SFRP4: variants seen among roughly 807,000 people sequenced by gnomAD.
The protein encoded by SFRP4 is secreted frizzled-related protein 4.
SFRP4 carries 25 observed loss-of-function variants against 36.3 expected under a neutral mutation model. The ratio of observed to expected loss-of-function variants is 0.69; its 90% CI spans 0.50 to 0.96. The LOEUF is 0.96. SFRP4 is among the 40% of genes least tolerant of loss of function. The pLI is 0.00. For synonymous variants in SFRP4, 182 were observed against 168.8 expected (o/e 1.08, Z -0.60); for missense variants, 487 against 459.6 (o/e 1.06, Z -0.54).
rs143563677 is a variant in SFRP4, at chr7:37,916,250, C to T, written c.288G>A (p.Pro96=). Reference sequence around the variant, plus strand: ...GCGCGCGTTGGCACACCGACTTGCACGGCTTGATAGGGTCGTGCAGGAACT... The same window carrying T: ...GCGCGCGTTGGCACACCGACTTGCATGGCTTGATAGGGTCGTGCAGGAACT... ...TLEFLHDPIK[P]CKSVCQRARD... The change falls in exon 1 of 6, where the codon CCG becomes CCA. Residue 96 remains proline (P), a synonymous_variant. Coordinates refer to ENST00000436072, the MANE Select transcript of SFRP4 (RefSeq NM_003014.4). The surrounding 1 kb of genome is among the most constrained non-coding windows in gnomAD (Gnocchi z 4.1). 291 of 1,614,206 alleles carry T rather than the reference C, an allele frequency of 1.8e-4. 1 individual carries two copies. The highest frequency in any genetic ancestry group is 7.8e-4 in the Admixed American group (47 of 60,026).
At chr7:37,911,701 G>T (rs1355026817) in intron 4 of SFRP4, among the ~76,000 whole-genome samples, 1 of 152,148 alleles carries the variant, frequency 6.6e-6, no homozygotes, top group Non-Finnish European at 1.5e-5. Flanking sequence ...CAAATATTAT[G>T]AAGTGTTTAT....
At position 37,916,644 on chromosome 7, in the gene SFRP4, G is replaced by T; in HGVS notation, c.-107C>A. 1.4e-6 allele frequency: 2 copies of T among 1,442,684 alleles called. No homozygotes were observed. The highest frequency in any genetic ancestry group is 2.7e-5 in the South Asian group (2 of 73,902). 89.4% of individuals were successfully genotyped at this position (1,442,684 alleles called of 1,614,324 possible). On this transcript the variant is annotated 5_prime_UTR_variant, in exon 1 of 6. Transcript: ENST00000436072. This position sits in a 1 kb window ranked among gnomAD's most constrained non-coding sequence, Gnocchi z 4.1. ...CGCCGAGGAAGAAATCCTCTGGGGC[G>T]CAGGAGAGTTTCTTCCCCCAAACTC...
chr7:37,907,419 G>T lies in SFRP4; in HGVS notation c.*60C>A. ...CATGGCCTTACATAGGCTGTCCCAG[G>T]CAATGCCCAGCCTCATCCTGTAAGG... On this transcript the variant is annotated 3_prime_UTR_variant, in exon 6 of 6. Transcript: ENST00000436072. 1 of 1,471,150 alleles carries T rather than the reference G, an allele frequency of 6.8e-7. No homozygotes were observed. The highest frequency in any genetic ancestry group is 9.3e-7 in the Non-Finnish European group (1 of 1,070,964). 91.1% of individuals were successfully genotyped at this position (1,471,150 alleles called of 1,614,324 possible). A position where few individuals can be genotyped will look rare whatever the true frequency, so the allele number is the denominator to read the frequency against.
In SFRP4 at chr7:37,905,989, A is replaced by G. The variant is rs145160749; in HGVS notation, c.*1490T>C. On this transcript the variant is annotated 3_prime_UTR_variant, in exon 6 of 6. Transcript: ENST00000436072. ...AGTGAAGAAACCACCTAAGTATCCA[A>G]TAGCACAACAGTTTGTTGAGTAATG... The G allele has an allele frequency of 2.0e-5, 3 of 152,334 alleles. No individual in the cohort carries two copies. Among genetic ancestry groups the G allele is most frequent in the African/African-American group, 7.2e-5 (3 of 41,586 alleles). The allele number at this position is 152,334 out of a possible 1,614,324, so 9.4% of individuals were successfully genotyped here.
At chr7:37,915,940 A>G (rs1422009140) in intron 1 of SFRP4, among the ~76,000 whole-genome samples, 153 bp downstream of exon 1, 1 of 152,028 alleles carries the variant, frequency 6.6e-6, no homozygotes, top group Admixed American at 6.6e-5. Flanking sequence ...GAGAAACCAG[A>G]CTTTTTCTGA....
chr7:37,906,936 TC>T lies in SFRP4; in HGVS notation c.*542del, dbSNP rs1382018335. ...CTACTTCTCTAGATTTTTCAAAAAA[TC>T]CCCTTTCATCACAAAAATCCTTCTG... On this transcript the variant is annotated 3_prime_UTR_variant, in exon 6 of 6. Coordinates refer to ENST00000436072, the MANE Select transcript of SFRP4 (RefSeq NM_003014.4). 1.3e-5 allele frequency: 2 copies of T among 152,180 alleles called. No homozygotes were observed. Among genetic ancestry groups the T allele is most frequent in the Non-Finnish European group, 2.9e-5 (2 of 68,030 alleles). The allele number at this position is 152,180 out of a possible 1,614,324, so 9.4% of individuals were successfully genotyped here.
In SFRP4 at chr7:37,914,441, A is replaced by G. The variant is rs1322652370; in HGVS notation, c.458T>C (p.Ile153Thr). The G allele has an allele frequency of 6.2e-7, 1 of 1,613,590 alleles. No homozygotes were observed. The change falls in exon 2 of 6, where the codon ATA (isoleucine) becomes ACA (threonine). Residue 153 changes from isoleucine to threonine, a missense_variant. Physicochemically the swap from Ile to Thr is moderately conservative, Grantham distance 89. Transcript: ENST00000436072. ...TACCATCATGTCTGGTGTGATGTCT[A>G]TCCACTTAACATCTGAAACACAAAC... ...VTDLPEDVKW[I>T]DITPDMMVQE...
At position 37,912,132 on chromosome 7, in the gene SFRP4, C is replaced by A; in HGVS notation, c.778G>T (p.Glu260Ter). Reference sequence around the variant, plus strand: ...CTTTGTGCCTACCTTGAGCGCCACTCGTAACACATGATGAGAACATCTTGA... The same window carrying A: ...CTTTGTGCCTACCTTGAGCGCCACTAGTAACACATGATGAGAACATCTTGA... ...PHQDVLIMCY[E>*]WRSRMMLLEN... The change falls in exon 4 of 6, where the codon GAG (glutamate) becomes TAG (stop). Residue 260 changes from glutamate (E) to a stop codon, truncating the protein, a stop_gained. Coordinates refer to ENST00000436072, the MANE Select transcript of SFRP4 (RefSeq NM_003014.4). LOFTEE classifies it high-confidence loss of function. 1 of 1,613,946 alleles carries A rather than the reference C, an allele frequency of 6.2e-7. No individual in the cohort carries two copies. Among genetic ancestry groups the A allele is most frequent in the South Asian group, 1.1e-5 (1 of 91,056 alleles).
At position 37,907,327 on chromosome 7, in the gene SFRP4, C is replaced by T. The variant is rs1301516937; in HGVS notation, c.*152G>A. On this transcript the variant is annotated 3_prime_UTR_variant, in exon 6 of 6. Coordinates refer to ENST00000436072, the MANE Select transcript of SFRP4 (RefSeq NM_003014.4). ...CTTACAAAGAAAAACTGAAGCATAG[C>T]CTTAAGAAAAATGCTGCAAGATGTG... The T allele has an allele frequency of 9.6e-6, 6 of 625,260 alleles. No individual in the cohort carries two copies. The highest frequency in any genetic ancestry group is 2.9e-5 in the Admixed American group (1 of 34,562). The allele number at this position is 625,260 out of a possible 1,614,324, so 38.7% of individuals were successfully genotyped here.
chr7:37,909,609 ATACT>A lies in SFRP4; in HGVS notation c.855+4_855+7del. 6.6e-7 allele frequency: 1 copy of A among 1,526,398 alleles called. No individual in the cohort carries two copies. 94.6% of individuals were successfully genotyped at this position (1,526,398 alleles called of 1,614,324 possible). A position where few individuals can be genotyped will look rare whatever the true frequency, so the allele number is the denominator to read the frequency against. On this transcript the variant is annotated splice_donor_5th_base_variant and intron_variant, in intron 5 of 5. Coordinates refer to ENST00000436072, the MANE Select transcript of SFRP4 (RefSeq NM_003014.4). ...ATCCATCTTCACAGCATTGTTCATG[ATACT>A]TACTATGGATCTTTTACTAAGCTGA... is the stretch of plus-strand genomic sequence containing the variant.
chr7:37,909,749 TA>T (rs1206939757), intron 4 of SFRP4, 69 bp from the exon 5 acceptor site: 8 of 870,694 alleles, frequency 9.2e-6, no homozygotes, highest in South Asian at 3.3e-5. Flanking sequence ...ACAGAAATTG[TA>T]AAAAAATTAT....
rs1785400176 is a variant in SFRP4 at position 37,906,613 on chromosome 7, G to A, written c.*866C>T. ...AATTATTCTCAGGGTGGATGTCCTG[G>A]GAAGTAAGATGAGTGACATACCTCT... On this transcript the variant is annotated 3_prime_UTR_variant, in exon 6 of 6. Transcript: ENST00000436072. The A allele has an allele frequency of 6.6e-6, 1 of 152,112 alleles. No individual in the cohort carries two copies. Among genetic ancestry groups the A allele is most frequent in the East Asian group, 1.9e-4 (1 of 5,192 alleles). The allele number at this position is 152,112 out of a possible 1,614,324, so 9.4% of individuals were successfully genotyped here.
intron 4 of SFRP4, among the ~76,000 whole-genome samples, chr7:37,910,748 C>T (rs914268376): frequency 5.9e-5 from 9 of 151,986 alleles, no homozygotes; most frequent in African/African-American, 2.2e-4. Flanking sequence ...CCAAATAATA[C>T]ATTCATTTTC....
At chr7:37,908,404 C>T (rs752552887) in intron 5 of SFRP4, among the ~76,000 whole-genome samples, 3 of 152,206 alleles carry the variant, frequency 2.0e-5, no homozygotes, top group Non-Finnish European at 2.9e-5. Flanking sequence ...AGTTTGACCA[C>T]AGTCATCAGC....
At chr7:37,914,806 C>T (rs1055188321) in intron 1 of SFRP4, among the ~76,000 whole-genome samples, 10 of 152,064 alleles carry the variant, frequency 6.6e-5, no homozygotes, top group African/African-American at 1.4e-4. Flanking sequence ...CGAAGGTTGC[C>T]GTGAGCTGAG....
chr7:37,913,237 C>T (rs1785522569), intron 3 of SFRP4, among the ~76,000 whole-genome samples: 1 of 152,178 alleles, frequency 6.6e-6, no homozygotes, highest in South Asian at 2.1e-4. Context: ...CCCCCATTGG[C>T]TAAATATGAT....
intron 5 of SFRP4, among the ~76,000 whole-genome samples, chr7:37,908,035 T>C (rs1158081997): frequency 6.6e-6 from 1 of 152,208 alleles, no homozygotes; most frequent in African/African-American, 2.4e-5. Flanking sequence ...TTTTGACCAC[T>C]AGCCCCATAA....
At position 37,912,380 on chromosome 7, in the gene SFRP4, A is replaced by T. The variant is rs535027380; in HGVS notation, c.593-63T>A. The stretch of plus-strand genomic sequence containing the variant: ...TTTGGGGAAAAACTAGGGATGGTGT[A>T]TTCATGCCAACTTCTGAGCCTCTCT... On this transcript the variant is annotated intron_variant, in intron 3 of 5. Transcript: ENST00000436072. 1.4e-4 allele frequency: 185 copies of T among 1,294,172 alleles called. 3 individuals carry two copies. The South Asian group carries it at 1.8e-3, about 13-fold the overall frequency. The allele number at this position is 1,294,172 out of a possible 1,614,324, so 80.2% of individuals were successfully genotyped here.
Position 37,916,588 on chromosome 7 carries a change from T to C in SFRP4, c.-51A>G. 1 of 1,569,236 alleles carries C rather than the reference T, an allele frequency of 6.4e-7. No individual in the cohort carries two copies. The highest frequency in any genetic ancestry group is 1.1e-5 in the South Asian group (1 of 88,586). ...CCGGCAGACAGAAAGCGCCCTTCTC[T>C]TCCTGCCACCCTCATCTTTCGCTGT... is the stretch of plus-strand genomic sequence containing the variant. On this transcript the variant is annotated 5_prime_UTR_variant, in exon 1 of 6. Transcript: ENST00000436072. The surrounding 1 kb of genome is among the most constrained non-coding windows in gnomAD (Gnocchi z 4.1).
Sources: gnomAD v4.1 joint callset for allele counts (sites outside exome capture counted in the v4.1 genomes callset) on GRCh38, gnomAD v4.1.1 for gene constraint, Gnocchi (gnomAD v3.1) non-coding constraint, MANE v1.5 for transcripts, NCBI Gene and HGNC (gene_info 2026-07-23, HGNC 2026-07-21) for gene names.